SYNE1: variants seen among roughly 807,000 people sequenced by gnomAD.
The protein encoded by SYNE1 is nesprin-1.
SYNE1 carries 616 observed loss-of-function variants against 1,111.0 expected under a neutral mutation model. The observed-to-expected ratio is 0.55, with a 90% CI of 0.52 to 0.59. SYNE1 has a LOEUF of 0.59. Ranked by LOEUF, SYNE1 falls within the 20% of genes least tolerant of loss-of-function variation. The probability of loss-of-function intolerance (pLI) is 0.00; values close to 1 mark genes in which losing one functional copy is unlikely to be tolerated. For missense variants in SYNE1, 10,006 were observed against 10,417.0 expected, an observed-to-expected ratio of 0.96 and a Z score of 1.72; for synonymous variants, 3,855 against 3,825.8, an observed-to-expected ratio of 1.01 and a Z score of -0.28.
intron 142 of SYNE1, 104 bp downstream of exon 142, chr6:152,135,000 G>T: frequency 6.5e-7 from 1 of 1,536,662 alleles, no homozygotes; most frequent in Non-Finnish European, 8.9e-7. Flanking sequence ...AATGCAAAAA[G>T]TTAAAAAAAA....
At position 152,510,198 on chromosome 6, in the gene SYNE1, A is replaced by G; in HGVS notation, c.576T>C (p.Ala192=). 6.2e-7 allele frequency: 1 copy of G among 1,613,978 alleles called. No homozygotes were observed. The highest frequency in any genetic ancestry group is 8.5e-7 in the Non-Finnish European group (1 of 1,179,910). Residue 192 remains alanine (A), a synonymous_variant, in exon 8 of 146, where the codon GCT becomes GCC. Coordinates refer to ENST00000367255, the MANE Select transcript of SYNE1 (RefSeq NM_182961.4). ...KALLKWVQYT[A]GKQTGIEVKD... ...GACAAACTCTTGATACTTACTTGCC[A>G]GCTGTGTACTGAACCCACTTTAATA...
chr6:152,509,757 TA>T (rs138196158), intron 8 of SYNE1, among the ~76,000 whole-genome samples: 11,486 of 149,540 alleles, frequency 0.077, 518 homozygotes, highest in African/African-American at 0.11. Flanking sequence ...TTTCAGAACA[TA>T]AAAAAAAAAT....
chr6:152,247,834 C>A, intron 105 of SYNE1, among the ~76,000 whole-genome samples: 1 of 121,636 alleles, frequency 8.2e-6, no homozygotes, highest in South Asian at 2.8e-4. Context: ...GTTTTGCAAA[C>A]TATTTTGAGA....
intron 10 of SYNE1, among the ~76,000 whole-genome samples, chr6:152,499,989 C>G (rs965373212): frequency 6.6e-6 from 1 of 152,144 alleles, no homozygotes; most frequent in South Asian, 2.1e-4. Context: ...GCATTAAACT[C>G]CTGCTCATGA....
chr6:152,515,364 T>C (rs2099106375), intron 6 of SYNE1, among the ~76,000 whole-genome samples: 1 of 152,222 alleles, frequency 6.6e-6, no homozygotes, highest in Non-Finnish European at 1.5e-5. Context: ...CATTACTGCT[T>C]TCCACTAGTT....
At chr6:152,570,381 TATA>T (rs2099444800) in intron 3 of SYNE1, among the ~76,000 whole-genome samples, 1 of 152,230 alleles carries the variant, frequency 6.6e-6, no homozygotes, top group Admixed American at 6.5e-5. Flanking sequence ...CTTCTCTGTG[TATA>T]ATATTTAGAT....
At position 152,145,371 on chromosome 6, in the gene SYNE1, G is replaced by C. The variant is rs1586111606; in HGVS notation, c.24977-1606C>G. 5 of 946,166 alleles carry C rather than the reference G, an allele frequency of 5.3e-6. No homozygotes were observed. The East Asian group carries it at 1.3e-4, about 24-fold the overall frequency. The allele number at this position is 946,166 out of a possible 1,614,324, so 58.6% of individuals were successfully genotyped here. ...TCTAGTACAGCAGTAAGAGAGGAAG[G>C]CTGTGCCTTAACATGCTAGAGCCAC... On this transcript the variant is annotated intron_variant, in intron 137 of 145. Coordinates refer to ENST00000367255, the MANE Select transcript of SYNE1 (RefSeq NM_182961.4).
chr6:152,386,576 G>A (rs1045976792), intron 54 of SYNE1, among the ~76,000 whole-genome samples: 1 of 152,008 alleles, frequency 6.6e-6, no homozygotes, highest in Non-Finnish European at 1.5e-5. Flanking sequence ...GGAAATGAAA[G>A]ATTCATATAG....
intron 93 of SYNE1, among the ~76,000 whole-genome samples, chr6:152,299,089 T>A (rs141866992): frequency 3.9e-5 from 6 of 152,378 alleles, no homozygotes; most frequent in Admixed American, 3.9e-4. Flanking sequence ...AATATTTGCA[T>A]GTTTCATCAT....
chr6:152,376,829 T>C lies in SYNE1; in HGVS notation c.9093A>G (p.Arg3031=), dbSNP rs149317945. The C allele has an allele frequency of 1.9e-5, 30 of 1,614,026 alleles. No homozygotes were observed. The highest frequency in any genetic ancestry group is 2.5e-5 in the Non-Finnish European group (29 of 1,180,028). The change falls in exon 57 of 146, where the codon AGA becomes AGG. Residue 3031 remains arginine (R), a synonymous_variant. Coordinates refer to ENST00000367255, the MANE Select transcript of SYNE1 (RefSeq NM_182961.4). The part of the protein sequence containing the change: ...SQLNELCRFS[R]DLSTYSGKVS... Reference sequence around the variant, plus strand: ...CTTTTCCACTGTAGGTACTCAGGTCTCTGGAAAATCGACAAAGTTCATTCA... The same window carrying C: ...CTTTTCCACTGTAGGTACTCAGGTCCCTGGAAAATCGACAAAGTTCATTCA...
chr6:152,271,080 T>G (rs2093166717), intron 98 of SYNE1, among the ~76,000 whole-genome samples: 1 of 152,160 alleles, frequency 6.6e-6, no homozygotes, highest in Non-Finnish European at 1.5e-5. Context: ...TGCCCCTGGT[T>G]GTTCTTTGCA....
intron 11 of SYNE1, among the ~76,000 whole-genome samples, chr6:152,491,176 G>C (rs887958698): frequency 6.6e-6 from 1 of 151,614 alleles, no homozygotes; most frequent in Non-Finnish European, 1.5e-5. Context: ...ATCACTGTGG[G>C]GATGCCTGCC....
chr6:152,232,130 G>C lies in SYNE1; in HGVS notation c.20848C>G (p.Leu6950Val). 2 of 1,577,076 alleles carry C rather than the reference G, an allele frequency of 1.3e-6. No individual in the cohort carries two copies. Among genetic ancestry groups the C allele is most frequent in the Non-Finnish European group, 1.7e-6 (2 of 1,147,164 alleles). ...SIGYKAIHEY[L>V]QKYKGFKIDI... Reference sequence around the variant, plus strand: ...ATTTTAATTACCTTATATTTCTGAAGGTATTCATGAATTGCCTTGTAACCT... The same window carrying C: ...ATTTTAATTACCTTATATTTCTGAACGTATTCATGAATTGCCTTGTAACCT... Residue 6950 changes from leucine to valine, a missense_variant, in exon 113 of 146, where the codon CTT becomes GTT. Transcript: ENST00000367255.
chr6:152,496,530 A>G (rs1392834573), intron 11 of SYNE1, among the ~76,000 whole-genome samples: 1 of 152,084 alleles, frequency 6.6e-6, no homozygotes, highest in Non-Finnish European at 1.5e-5. Flanking sequence ...CATCCAGGCC[A>G]TCACCAATCA....
intron 16 of SYNE1, among the ~76,000 whole-genome samples, chr6:152,468,728 T>C (rs1390800808): frequency 6.6e-6 from 1 of 152,136 alleles, no homozygotes; most frequent in African/African-American, 2.4e-5. Flanking sequence ...GAATATTACT[T>C]TGGTTATTAG....
chr6:152,301,865 T>C lies in SYNE1; in HGVS notation c.17541+4A>G. ...AAAGCCGCGGGGACCCACTGGATCC[T>C]TACCATGACCACAGAGGGGTGGGCC... On this transcript the variant is annotated splice_donor_region_variant and intron_variant, in intron 92 of 145. Coordinates refer to ENST00000367255, the MANE Select transcript of SYNE1 (RefSeq NM_182961.4). The C allele has an allele frequency of 6.2e-7, 1 of 1,609,394 alleles. No individual in the cohort carries two copies. Among genetic ancestry groups the C allele is most frequent in the Non-Finnish European group, 8.5e-7 (1 of 1,176,602 alleles).
intron 3 of SYNE1, among the ~76,000 whole-genome samples, chr6:152,604,517 T>G (rs958611486): frequency 2.6e-5 from 4 of 152,088 alleles, no homozygotes; most frequent in African/African-American, 9.7e-5. Flanking sequence ...TTGCCCAGGC[T>G]GGTCTTGAAT....
rs759265658 is a variant in SYNE1 at position 152,430,732 on chromosome 6, T to C, written c.4462-23A>G. 443 of 1,606,726 alleles carry C rather than the reference T, an allele frequency of 2.8e-4. 6 individuals carry two copies. The Admixed American group carries it at 7.3e-3, about 26-fold the overall frequency. ...GACCTAATAGTTAAAACAAGAAAAATGACAATGTAGGCTGAGCAAGCTTGC... is the reference window on the plus strand; with the variant it reads ...GACCTAATAGTTAAAACAAGAAAAACGACAATGTAGGCTGAGCAAGCTTGC... On this transcript the variant is annotated intron_variant, in intron 34 of 145. Coordinates refer to ENST00000367255, the MANE Select transcript of SYNE1 (RefSeq NM_182961.4).
Position 152,255,719 on chromosome 6 carries a change from G to GTA in SYNE1, c.19130_19131dup (p.His6378TyrfsTer92), listed in dbSNP as rs779873651. The GTA allele has an allele frequency of 6.2e-7, 1 of 1,614,162 alleles. No individual in the cohort carries two copies. The highest frequency in any genetic ancestry group is 8.5e-7 in the Non-Finnish European group (1 of 1,180,028). ...CCATCATACAACTTCTGCTCCAAGT[G>GTA]TATACTCTGCCTCTTTGCCCCTCCA... On this transcript the variant is annotated frameshift_variant, in exon 103 of 146. Transcript: ENST00000367255. LOFTEE classifies it high-confidence loss of function.
Sources: gnomAD v4.1 joint callset for allele counts (sites outside exome capture counted in the v4.1 genomes callset) on GRCh38, gnomAD v4.1.1 for gene constraint, MANE v1.5 for transcripts, NCBI Gene and HGNC (gene_info 2026-07-23, HGNC 2026-07-21) for gene names.